NDUFA9: variants seen among roughly 807,000 people sequenced by gnomAD.
NDUFA9 encodes NADH:ubiquinone oxidoreductase subunit A9.
A neutral mutation model predicts 45.9 loss-of-function variants in NDUFA9; 23 were observed. That is an observed-to-expected ratio of 0.50 (90% CI 0.36 to 0.71). NDUFA9 has a LOEUF of 0.71. Ranked by LOEUF, NDUFA9 falls within the 30% of genes least tolerant of loss-of-function variation. The probability of loss-of-function intolerance (pLI) is 0.00; values close to 1 mark genes in which losing one functional copy is unlikely to be tolerated. For missense variants in NDUFA9, 466 were observed against 488.2 expected (o/e 0.95, Z 0.43); for synonymous variants, 176 against 170.5 (o/e 1.03, Z -0.25).
intron 8 of NDUFA9, among the ~76,000 whole-genome samples, chr12:4,674,368 GAC>G (rs1177390824): frequency 6.6e-6 from 1 of 152,146 alleles, no homozygotes; most frequent in African/African-American, 2.4e-5. Context: ...CCAATTAAAA[GAC>G]ACAGACTGGC....
chr12:4,685,596 C>T (rs1296356826), intron 10 of NDUFA9, among the ~76,000 whole-genome samples: 2 of 152,156 alleles, frequency 1.3e-5, no homozygotes, highest in Non-Finnish European at 2.9e-5. Flanking sequence ...CTGCCAAAGC[C>T]TCTCTTCCTC....
Position 4,654,364 on chromosome 12 carries a change from T to C in NDUFA9, c.122T>C (p.Met41Thr), listed in dbSNP as rs1591542059. 6 of 1,614,182 alleles carry C rather than the reference T, an allele frequency of 3.7e-6. No homozygotes were observed. The highest frequency in any genetic ancestry group is 4.5e-5 in the East Asian group (2 of 44,886). ...PPCRQLHHAL[M>T]PHGKGGRSSV... is the part of the protein sequence containing the mutation. ...TGTCGCCAGCTTCATCATGCCCTCA[T>C]GCCTCATGGGAAAGGTGGACGTTCC... Residue 41 changes from methionine (M) to threonine (T), a missense_variant, in exon 2 of 11, where the codon ATG (methionine) becomes ACG (threonine). By Grantham distance (81) the Met-to-Thr change is moderately conservative. Coordinates refer to ENST00000266544, the MANE Select transcript of NDUFA9 (RefSeq NM_005002.5).
chr12:4,669,617 C>G (rs1945874421), intron 7 of NDUFA9, 124 bp from the exon 8 acceptor site: 3 of 619,650 alleles, frequency 4.8e-6, no homozygotes, highest in Non-Finnish European at 5.7e-6. Context: ...ATCAGTGTGG[C>G]CTTCCTCCTT....
In NDUFA9 at chr12:4,682,317, T is replaced by C. The variant is rs527907141; in HGVS notation, c.896+17T>C. The stretch of plus-strand genomic sequence containing the variant: ...TGCCTATCGGTAAGTAGAGTGCTCC[T>C]TTTGTGTGACTTCTGAAAAAGCCAG... On this transcript the variant is annotated intron_variant, in intron 9 of 10. Coordinates refer to ENST00000266544, the MANE Select transcript of NDUFA9 (RefSeq NM_005002.5). The C allele has an allele frequency of 2.7e-5, 43 of 1,578,148 alleles. No individual in the cohort carries two copies. In the South Asian group the frequency reaches 4.6e-4, roughly 17 times the overall value.
chr12:4,678,448 AC>A (rs1945933760), intron 8 of NDUFA9, among the ~76,000 whole-genome samples: 3 of 152,140 alleles, frequency 2.0e-5, no homozygotes, highest in African/African-American at 7.2e-5. Context: ...ATAAATGGAT[AC>A]ATTAGACTTC....
intron 1 of NDUFA9, among the ~76,000 whole-genome samples, chr12:4,652,549 T>G (rs1945765895): frequency 6.6e-6 from 1 of 152,186 alleles, no homozygotes; most frequent in Non-Finnish European, 1.5e-5. Flanking sequence ...TACTTCACTT[T>G]CAGCATTTGG....
At chr12:4,674,631 A>G (rs1945907951) in intron 8 of NDUFA9, among the ~76,000 whole-genome samples, 1 of 152,240 alleles carries the variant, frequency 6.6e-6, no homozygotes, top group South Asian at 2.1e-4. Flanking sequence ...TATCCTGAAT[A>G]TATATGCTCC....
intron 8 of NDUFA9, among the ~76,000 whole-genome samples, chr12:4,675,290 A>G (rs1945912513): frequency 6.6e-6 from 1 of 152,218 alleles, no homozygotes; most frequent in Non-Finnish European, 1.5e-5. Context: ...TTTAAAAGCT[A>G]GCAGAAGGCA....
At position 4,669,748 on chromosome 12, in the gene NDUFA9, A is replaced by G. The variant is rs751409567; in HGVS notation, c.731A>G (p.Asp244Gly). Reference sequence around the variant, plus strand: ...TATTATAATTTCTTACAGGTCGTAGATGTATCCAAAGGAATTGTTAATGCA... The same window carrying G: ...TATTATAATTTCTTACAGGTCGTAGGTGTATCCAAAGGAATTGTTAATGCA... ...KTVKQPVYVVDVSKGIVNAVK... is the reference protein window; with the variant it reads ...KTVKQPVYVVGVSKGIVNAVK... The change falls in exon 8 of 11, where the codon GAT becomes GGT. Residue 244 changes from aspartate to glycine, a missense_variant. Transcript: ENST00000266544. 6.2e-7 allele frequency: 1 copy of G among 1,602,712 alleles called. No individual in the cohort carries two copies. The highest frequency in any genetic ancestry group is 2.2e-5 in the East Asian group (1 of 44,766).
At chr12:4,667,832 T>TA (rs11399779) in intron 6 of NDUFA9, among the ~76,000 whole-genome samples, 57,949 of 149,186 alleles carry the variant, frequency 0.39, 11,170 homozygotes, top group South Asian at 0.53. Context: ...TTAAATGGTT[T>TA]AAAAAAAAAA....
chr12:4,682,381 T>A lies in NDUFA9; in HGVS notation c.896+81T>A, dbSNP rs895278653. 4.0e-6 allele frequency: 4 copies of A among 1,008,056 alleles called. No individual in the cohort carries two copies. The African/African-American group carries it at 4.8e-5, about 12-fold the overall frequency. The allele number at this position is 1,008,056 out of a possible 1,614,324, so 62.4% of individuals were successfully genotyped here. A position where few individuals can be genotyped will look rare whatever the true frequency, so the allele number is the denominator to read the frequency against. On this transcript the variant is annotated intron_variant, in intron 9 of 10. Transcript: ENST00000266544. ...TTCCTAATGTTCTCCCTTAGGGTTA[T>A]AGGGTGTGTGAAGGGCTGGTCTCCA...
chr12:4,654,551 A>G lies in NDUFA9; in HGVS notation c.220+89A>G, dbSNP rs1342871323. 4.2e-6 allele frequency: 6 copies of G among 1,439,976 alleles called. No individual in the cohort carries two copies. The African/African-American group carries it at 5.6e-5, about 14-fold the overall frequency. The allele number at this position is 1,439,976 out of a possible 1,614,324, so 89.2% of individuals were successfully genotyped here. On this transcript the variant is annotated intron_variant, in intron 2 of 10. Transcript: ENST00000266544. Reference sequence around the variant, plus strand: ...CATGAGCTATGTTTCTCTTCATTTTAACAGTATTATGAATTACTCCTGTCT... The same window carrying G: ...CATGAGCTATGTTTCTCTTCATTTTGACAGTATTATGAATTACTCCTGTCT...
rs1946003972 is a variant in NDUFA9 at position 4,689,003 on chromosome 12, G to A, written c.*1895G>A. 1 of 152,112 alleles carries A rather than the reference G, an allele frequency of 6.6e-6. No individual in the cohort carries two copies. The highest frequency in any genetic ancestry group is 2.1e-4 in the South Asian group (1 of 4,818). 9.4% of individuals were successfully genotyped at this position (152,112 alleles called of 1,614,324 possible). ...AAAAACTTATTGATACATAATAGAT[G>A]TAAATATTGTCAGGGTATATGTGGT... On this transcript the variant is annotated 3_prime_UTR_variant, in exon 11 of 11. Transcript: ENST00000266544.
At chr12:4,681,323 A>G (rs1945950905) in intron 8 of NDUFA9, among the ~76,000 whole-genome samples, 1 of 151,940 alleles carries the variant, frequency 6.6e-6, no homozygotes, top group Non-Finnish European at 1.5e-5. Flanking sequence ...AATACAAACA[A>G]TAAAAGGTAT....
chr12:4,678,639 A>G (rs2137482983), intron 8 of NDUFA9, among the ~76,000 whole-genome samples: 1 of 152,318 alleles, frequency 6.6e-6, no homozygotes, highest in South Asian at 2.1e-4. Context: ...AGCAAAAGAC[A>G]TGAATAGGCA....
In NDUFA9 at chr12:4,654,726, A is replaced by C. The variant is rs899587593; in HGVS notation, c.221-99A>C. The C allele has an allele frequency of 7.0e-5, 74 of 1,051,180 alleles. No individual in the cohort carries two copies. The African/African-American group carries it at 9.9e-4, about 14-fold the overall frequency. The allele number at this position is 1,051,180 out of a possible 1,614,324, so 65.1% of individuals were successfully genotyped here. ...TTTTTGTCAAATATAATATCAATTC[A>C]CATACCATACTAGAATTTAAATATT... On this transcript the variant is annotated intron_variant, in intron 2 of 10. Coordinates refer to ENST00000266544, the MANE Select transcript of NDUFA9 (RefSeq NM_005002.5).
intron 4 of NDUFA9, 69 bp from the exon 5 acceptor site, chr12:4,658,967 T>G: frequency 6.9e-7 from 1 of 1,440,540 alleles, no homozygotes; most frequent in Non-Finnish European, 9.6e-7. Context: ...GAAAACCATC[T>G]TATCACGTAA....
intron 6 of NDUFA9, among the ~76,000 whole-genome samples, chr12:4,663,162 C>A (rs768834728): frequency 4.1e-4 from 63 of 152,074 alleles, no homozygotes; most frequent in Admixed American, 2.0e-4. Flanking sequence ...CTTGATAGCT[C>A]ATTTCTTTAT....
chr12:4,688,706 C>T lies in NDUFA9; in HGVS notation c.*1598C>T, dbSNP rs1386759366. 1.3e-5 allele frequency: 2 copies of T among 152,116 alleles called. No individual in the cohort carries two copies. Among genetic ancestry groups the T allele is most frequent in the African/African-American group, 4.8e-5 (2 of 41,414 alleles). 9.4% of individuals were successfully genotyped at this position (152,116 alleles called of 1,614,324 possible). A position where few individuals can be genotyped will look rare whatever the true frequency, so the allele number is the denominator to read the frequency against. The stretch of plus-strand genomic sequence containing the variant: ...TGAATCAGAGTCTCAGGAAGGAGGG[C>T]CCAGGAATTTTAGTTTTATTAAACA... On this transcript the variant is annotated 3_prime_UTR_variant, in exon 11 of 11. Coordinates refer to ENST00000266544, the MANE Select transcript of NDUFA9 (RefSeq NM_005002.5).
Sources: allele counts gnomAD v4.1 joint callset (sites outside exome capture counted in the v4.1 genomes callset), GRCh38; gene constraint gnomAD v4.1.1; transcripts MANE v1.5; gene names NCBI Gene and HGNC (gene_info 2026-07-23, HGNC 2026-07-21).